Variants in GRM8 observed in about 807,000 individuals in gnomAD.
GRM8 encodes glutamate metabotropic receptor 8.
In GRM8, 47 loss-of-function variants were observed where a neutral mutation model predicts 87.2. The observed-to-expected ratio is 0.54, with a 90% CI of 0.43 to 0.69. The LOEUF is 0.69. GRM8 is among the 30% of genes least tolerant of loss of function. GRM8 has a pLI of 0.00. For synonymous variants in GRM8, 396 were observed against 404.5 expected, an observed-to-expected ratio of 0.98 and a Z score of 0.25; for missense variants, 1,019 against 1,139.2, an observed-to-expected ratio of 0.89 and a Z score of 1.52.
At chr7:127,009,471 A>G (rs971055862) in intron 3 of GRM8, among the ~76,000 whole-genome samples, 1 of 152,176 alleles carries the variant, frequency 6.6e-6, no homozygotes, top group African/African-American at 2.4e-5. Context: ...CATTAATGAT[A>G]CAGAAAGTAT....
At chr7:126,725,176 T>C (rs150001566) in intron 7 of GRM8, among the ~76,000 whole-genome samples, 2,439 of 152,298 alleles carry the variant, frequency 0.016, 67 homozygotes, top group African/African-American at 0.056. Flanking sequence ...AAGGGTAGTT[T>C]TATTATACTT....
intron 2 of GRM8, among the ~76,000 whole-genome samples, chr7:127,222,693 T>C (rs1208849581): frequency 6.6e-6 from 1 of 152,226 alleles, no homozygotes; most frequent in Non-Finnish European, 1.5e-5. Context: ...GCTATTCATG[T>C]ATAGTGCCCA....
At chr7:126,912,110 C>T (rs1308113054) in intron 3 of GRM8, among the ~76,000 whole-genome samples, 5 of 151,898 alleles carry the variant, frequency 3.3e-5, no homozygotes, top group African/African-American at 7.3e-5. Context: ...GGCAGGAGAA[C>T]GGCGTGAACC....
intron 7 of GRM8, among the ~76,000 whole-genome samples, chr7:126,618,176 G>C (rs1367703665): frequency 6.6e-6 from 1 of 152,148 alleles, no homozygotes; most frequent in Non-Finnish European, 1.5e-5. Context: ...TACCAAAACA[G>C]AGATATAGAC....
chr7:127,131,209 T>C (rs1349241974), intron 2 of GRM8, among the ~76,000 whole-genome samples: 1 of 152,158 alleles, frequency 6.6e-6, no homozygotes, highest in Non-Finnish European at 1.5e-5. Context: ...CAACTTCTTG[T>C]TGATTGCTTA....
chr7:126,764,135 A>G (rs1817931316), intron 7 of GRM8, among the ~76,000 whole-genome samples: 1 of 152,034 alleles, frequency 6.6e-6, no homozygotes, highest in Non-Finnish European at 1.5e-5. Flanking sequence ...ATCATCATGA[A>G]GTAATTTTTC....
At chr7:126,769,788 G>T in intron 7 of GRM8, 77 bp downstream of exon 7, 2 of 893,968 alleles carry the variant, frequency 2.2e-6, no homozygotes, top group Admixed American at 1.8e-5. Context: ...ACTCTGCCTG[G>T]GTATCTTCTA....
intron 7 of GRM8, among the ~76,000 whole-genome samples, chr7:126,715,215 T>C (rs547118840): frequency 6.6e-6 from 1 of 152,298 alleles, no homozygotes; most frequent in Admixed American, 6.5e-5. Flanking sequence ...CTATACACAA[T>C]TTACTGGAGA....
intron 7 of GRM8, among the ~76,000 whole-genome samples, chr7:126,746,021 A>G (rs1815630745): frequency 6.6e-6 from 1 of 151,738 alleles, no homozygotes; most frequent in Admixed American, 6.6e-5. Context: ...AAGCTAAGAG[A>G]ATACTGCTTA....
intron 2 of GRM8, among the ~76,000 whole-genome samples, chr7:127,166,157 T>C: frequency 6.6e-6 from 1 of 152,142 alleles, no homozygotes; most frequent in Middle Eastern, 3.2e-3. Context: ...TCTAGCTATA[T>C]AAAATAATAC....
At chr7:126,708,456 T>C (rs1464383366) in intron 7 of GRM8, among the ~76,000 whole-genome samples, 1 of 151,770 alleles carries the variant, frequency 6.6e-6, no homozygotes, top group Non-Finnish European at 1.5e-5. Flanking sequence ...TTCACAATAG[T>C]GAAGATATGG....
At chr7:126,870,075 T>C (rs1452306258) in intron 6 of GRM8, 1 of 152,152 alleles carries the variant, frequency 6.6e-6, no homozygotes, top group African/African-American at 2.4e-5. Context: ...ACATCAGCAC[T>C]TGCTGCTTCA....
chr7:126,908,510 A>G (rs1037771445), intron 3 of GRM8, among the ~76,000 whole-genome samples: 3 of 152,206 alleles, frequency 2.0e-5, no homozygotes, highest in Admixed American at 2.0e-4. Flanking sequence ...TAAGCATCCC[A>G]TTAAAGACAT....
intron 3 of GRM8, among the ~76,000 whole-genome samples, chr7:126,986,018 C>G (rs1812022307): frequency 1.3e-5 from 2 of 151,832 alleles, no homozygotes; most frequent in South Asian, 4.2e-4. Context: ...AAATTCAAGT[C>G]ATTTTTTTTT....
At chr7:126,632,088 A>T (rs534373043) in intron 7 of GRM8, among the ~76,000 whole-genome samples, 2 of 152,332 alleles carry the variant, frequency 1.3e-5, no homozygotes, top group East Asian at 3.9e-4. Flanking sequence ...ATCAGAGCAA[A>T]CAGACAACCC....
intron 6 of GRM8, among the ~76,000 whole-genome samples, chr7:126,836,198 C>T (rs553765558): frequency 2.0e-5 from 3 of 152,064 alleles, no homozygotes; most frequent in African/African-American, 4.8e-5. Flanking sequence ...TAAGTCCTCT[C>T]GAAGGTTAAA....
At chr7:126,886,811 T>A (rs994738968) in intron 6 of GRM8, among the ~76,000 whole-genome samples, 1 of 152,138 alleles carries the variant, frequency 6.6e-6, no homozygotes, top group African/African-American at 2.4e-5. Context: ...TACTACAGTT[T>A]ATATGTGACC....
chr7:126,825,581 A>G (rs1794688062), intron 6 of GRM8, among the ~76,000 whole-genome samples: 1 of 152,328 alleles, frequency 6.6e-6, no homozygotes, highest in South Asian at 2.1e-4. Flanking sequence ...GCAAAAGGCT[A>G]TGCTTTAGGA....
chr7:126,895,931 A>C (rs1392411862), intron 6 of GRM8, among the ~76,000 whole-genome samples: 1 of 147,782 alleles, frequency 6.8e-6, no homozygotes, highest in Non-Finnish European at 1.5e-5. Context: ...ATCACACATA[A>C]AGTATCATAA....
Sources: allele counts gnomAD v4.1 joint callset (sites outside exome capture counted in the v4.1 genomes callset), GRCh38; gene constraint gnomAD v4.1.1; transcripts MANE v1.5; gene names NCBI Gene and HGNC (gene_info 2026-07-23, HGNC 2026-07-21).